Variants in KCNMB1 observed in about 807,000 individuals in gnomAD.
The protein encoded by KCNMB1 is potassium calcium-activated channel subfamily M regulatory beta subunit 1, also known as calcium-activated potassium channel subunit beta-1.
Under a neutral mutation model 21.7 loss-of-function variants are expected in KCNMB1, and 22 were observed. That is an observed-to-expected ratio of 1.01 (90% CI 0.72 to 1.45). The LOEUF is 1.45. Among genes scored for constraint, KCNMB1 ranks in the 40% most tolerant of loss-of-function variants. The probability of loss-of-function intolerance (pLI) is 0.00; values close to 1 mark genes in which losing one functional copy is unlikely to be tolerated. For synonymous variants in KCNMB1, 114 were observed against 107.6 expected, an observed-to-expected ratio of 1.06 and a Z score of -0.37; for missense variants, 243 against 243.4, an observed-to-expected ratio of 1.00 and a Z score of 0.01.
rs1233071260 is a variant in KCNMB1 at position 170,384,387 on chromosome 5, G to A, written c.135-537C>T. On this transcript the variant is annotated intron_variant, in intron 2 of 3. Transcript: ENST00000274629. Reference sequence around the variant, plus strand: ...TGTGTTCTTTCCCCTAAAAGGAGCAGATGTAGAAGGGGTTTGAGTTGAGCC... The same window carrying A: ...TGTGTTCTTTCCCCTAAAAGGAGCAAATGTAGAAGGGGTTTGAGTTGAGCC... Among the ~76,000 whole-genome samples the A allele has an allele frequency of 2.6e-5, 4 of 152,208 alleles. No homozygotes were observed. The South Asian group carries it at 8.3e-4, about 32-fold the overall frequency.
chr5:170,388,294 G>A lies in KCNMB1; in HGVS notation c.-25+965C>T, dbSNP rs1764568722. ...TAAATCCTCCTAAGACCATGCGTGG[G>A]GTTCAGTGTAGATATGACTTCAGCA... On this transcript the variant is annotated intron_variant, in intron 1 of 3. Transcript: ENST00000274629. Among the ~76,000 whole-genome samples, 4 of 152,306 alleles carry A rather than the reference G, an allele frequency of 2.6e-5. No individual in the cohort carries two copies. In the South Asian group the frequency reaches 8.3e-4, roughly 32 times the overall value.
Position 170,385,315 on chromosome 5 carries a change from T to C in KCNMB1, c.133A>G (p.Ser45Gly). ...VTTVLPLYQK[S>G]VWTQESKCHL... is the part of the protein sequence containing the mutation. ...GGGCAGGCCGGGAGAGCTCAGTACC[T>C]TTTCTGGTAGAGGGGCAGCACAGTC... Residue 45 changes from serine (S) to glycine (G), a missense_variant and splice_region_variant, in exon 2 of 4, where the codon AGC (serine) becomes GGC (glycine). Transcript: ENST00000274629. The C allele has an allele frequency of 6.2e-7, 1 of 1,614,038 alleles. No individual in the cohort carries two copies. The highest frequency in any genetic ancestry group is 8.5e-7 in the Non-Finnish European group (1 of 1,179,968).
chr5:170,383,783 C>T lies in KCNMB1; in HGVS notation c.202G>A (p.Gly68Ser), dbSNP rs768495295. The change falls in exon 3 of 4, where the codon GGC (glycine) becomes AGC (serine). Residue 68 changes from glycine to serine, a missense_variant. Transcript: ENST00000274629. ...CATGGGTACTGGGGCACCTTCTTGC[C>T]CTTCAGCTCCTCCTGGTCCCTGATG... The part of the protein sequence containing the change: ...TNIRDQEELK[G>S]KKVPQYPCLW... 3.1e-6 allele frequency: 5 copies of T among 1,613,946 alleles called. No individual in the cohort carries two copies. Among genetic ancestry groups the T allele is most frequent in the Non-Finnish European group, 4.2e-6 (5 of 1,179,976 alleles).
At chr5:170,385,280 G>T (rs754250048) in intron 2 of KCNMB1, 34 bp downstream of exon 2, 8 of 1,613,362 alleles carry the variant, frequency 5.0e-6, no homozygotes, top group East Asian at 2.2e-5. Context: ...TTAGGAGAGG[G>T]TTGGGGGGTG....
chr5:170,389,278 G>A lies in KCNMB1; in HGVS notation c.-44C>T, dbSNP rs1166802501. ...ACTCACAGTCTTCCCGGCGTCCTGT[G>A]GGTCTTGAGCAGCAGACAGTTTCTT... On this transcript the variant is annotated 5_prime_UTR_variant, in exon 1 of 4. Transcript: ENST00000274629. 2.0e-5 allele frequency: 3 copies of A among 152,378 alleles called. No individual in the cohort carries two copies. Among genetic ancestry groups the A allele is most frequent in the Middle Eastern group, 3.4e-3 (1 of 294 alleles). 9.4% of individuals were successfully genotyped at this position (152,378 alleles called of 1,614,324 possible).
chr5:170,379,228 G>C (rs1423411680), intron 3 of KCNMB1, among the ~76,000 whole-genome samples: 1 of 152,152 alleles, frequency 6.6e-6, no homozygotes, highest in Admixed American at 6.5e-5. Context: ...TCCTACCTTG[G>C]AGTCCTGGCT....
intron 1 of KCNMB1, among the ~76,000 whole-genome samples, chr5:170,386,892 T>C (rs1042143916): frequency 1.3e-5 from 2 of 151,854 alleles, no homozygotes; most frequent in African/African-American, 4.8e-5. Flanking sequence ...GGACATTGAC[T>C]CCACCCCAAT....
chr5:170,380,331 G>A (rs1342405092), intron 3 of KCNMB1, among the ~76,000 whole-genome samples: 6 of 152,196 alleles, frequency 3.9e-5, no homozygotes, highest in Non-Finnish European at 8.8e-5. Context: ...CACTGAGGGC[G>A]AGACCCAGGA....
intron 3 of KCNMB1, 33 bp from the exon 4 acceptor site, chr5:170,379,006 G>A (rs1764127794): frequency 6.2e-7 from 1 of 1,601,542 alleles, no homozygotes; most frequent in South Asian, 1.1e-5. Flanking sequence ...CTGTGGGCTT[G>A]GAAATCCCCA....
chr5:170,380,783 T>C (rs1764207472), intron 3 of KCNMB1, among the ~76,000 whole-genome samples: 1 of 152,186 alleles, frequency 6.6e-6, no homozygotes, highest in South Asian at 2.1e-4. Flanking sequence ...GCTCCTTAAA[T>C]AGCAGTGTGG....
At chr5:170,382,650 CCTTT>C (rs1206306738) in intron 3 of KCNMB1, 4 of 150,238 alleles carry the variant, frequency 2.7e-5, no homozygotes, top group Admixed American at 2.0e-4. Context: ...AATCCAAGAG[CCTTT>C]CTTTTTTTTT....
At chr5:170,386,277 C>T (rs1195378196) in intron 1 of KCNMB1, among the ~76,000 whole-genome samples, 40 of 152,066 alleles carry the variant, frequency 2.6e-4, no homozygotes. Context: ...GTGATATGAC[C>T]AGGGAGACAG....
Position 170,377,183 on chromosome 5 carries a change from C to G in KCNMB1, c.*1521G>C, listed in dbSNP as rs1315880130. 2 of 152,272 alleles carry G rather than the reference C, an allele frequency of 1.3e-5. No homozygotes were observed. The highest frequency in any genetic ancestry group is 1.3e-4 in the Admixed American group (2 of 15,286). The allele number at this position is 152,272 out of a possible 1,614,324, so 9.4% of individuals were successfully genotyped here. A position where few individuals can be genotyped will look rare whatever the true frequency, so the allele number is the denominator to read the frequency against. ...TGCTCTGAAAATCCTCGCGACAGGACGCTCACTTCCTACACCGGTAGTTCT... is the reference window on the plus strand; with the variant it reads ...TGCTCTGAAAATCCTCGCGACAGGAGGCTCACTTCCTACACCGGTAGTTCT... On this transcript the variant is annotated 3_prime_UTR_variant, in exon 4 of 4. Transcript: ENST00000274629.
rs1763988229 is a variant in KCNMB1, at chr5:170,376,048, C to T, written c.*2656G>A. 1 of 150,480 alleles carries T rather than the reference C, an allele frequency of 6.6e-6. No individual in the cohort carries two copies. Among genetic ancestry groups the T allele is most frequent in the Admixed American group, 6.6e-5 (1 of 15,068 alleles). 9.3% of individuals were successfully genotyped at this position (150,480 alleles called of 1,614,324 possible). On this transcript the variant is annotated 3_prime_UTR_variant, in exon 4 of 4. Transcript: ENST00000274629. ...ATCTCATTTTTTTTTCCAAGGCAAA[C>T]TAATTAGTACAGTGCCTGGCACAGA...
intron 2 of KCNMB1, 90 bp downstream of exon 2, chr5:170,385,224 G>T (rs1581135026): frequency 2.1e-6 from 3 of 1,401,402 alleles, no homozygotes; most frequent in Middle Eastern, 4.1e-4. Context: ...GAGGGTCAAG[G>T]AGAGGGGTGA....
intron 1 of KCNMB1, among the ~76,000 whole-genome samples, chr5:170,387,707 G>T (rs796681605): frequency 2.8e-4 from 42 of 152,288 alleles, no homozygotes; most frequent in African/African-American, 1.0e-3. Flanking sequence ...CTGTGATCTT[G>T]TGGGAATGGG....
chr5:170,379,121 G>T (rs1302919238), intron 3 of KCNMB1, 148 bp from the exon 4 acceptor site: 5 of 925,028 alleles, frequency 5.4e-6, no homozygotes, highest in Non-Finnish European at 7.9e-6. Context: ...CAGGCCATGC[G>T]CTGTACAGGT....
intron 2 of KCNMB1, 129 bp from the exon 3 acceptor site, chr5:170,383,979 A>C (rs1044572491): frequency 2.2e-6 from 2 of 891,484 alleles, no homozygotes; most frequent in Non-Finnish European, 3.4e-6. Flanking sequence ...TCTTGTCTTC[A>C]GCATCCAGCA....
At position 170,383,531 on chromosome 5, in the gene KCNMB1, G is replaced by A. The variant is rs1042340837; in HGVS notation, c.306+148C>T. 13 of 844,458 alleles carry A rather than the reference G, an allele frequency of 1.5e-5. No individual in the cohort carries two copies. The African/African-American group carries it at 1.7e-4, about 11-fold the overall frequency. The allele number at this position is 844,458 out of a possible 1,614,324, so 52.3% of individuals were successfully genotyped here. On this transcript the variant is annotated intron_variant, in intron 3 of 3. Transcript: ENST00000274629. Reference sequence around the variant, plus strand: ...AGGTCTGTGTGACTCCAACACAGAAGAGCTAGGGCTGGCTCAGTCTCATTC... The same window carrying A: ...AGGTCTGTGTGACTCCAACACAGAAAAGCTAGGGCTGGCTCAGTCTCATTC...
Sources: allele counts gnomAD v4.1 joint callset (sites outside exome capture counted in the v4.1 genomes callset), GRCh38; gene constraint gnomAD v4.1.1; transcripts MANE v1.5; gene names NCBI Gene and HGNC (gene_info 2026-07-23, HGNC 2026-07-21).